The following ZC3H3 variants were observed in gnomAD, a reference collection of about 807,000 sequenced individuals.
ZC3H3 encodes zinc finger CCCH-type containing 3, also known as zinc finger CCCH domain-containing protein 3.
A neutral mutation model predicts 77.3 loss-of-function variants in ZC3H3; 36 were observed. That is an observed-to-expected ratio of 0.47 (90% CI 0.36 to 0.61). ZC3H3 has a LOEUF of 0.61. Ranked by LOEUF, ZC3H3 falls within the 20% of genes least tolerant of loss-of-function variation. ZC3H3 has a pLI of 0.00. For synonymous variants in ZC3H3, 626 were observed against 555.2 expected, an observed-to-expected ratio of 1.13 and a Z score of -1.79; for missense variants, 1,331 against 1,312.2, an observed-to-expected ratio of 1.01 and a Z score of -0.22.
chr8:143,468,096 G>A, intron 8 of ZC3H3, 113 bp downstream of exon 8: 1 of 1,300,694 alleles, frequency 7.7e-7, no homozygotes, highest in Non-Finnish European at 1.1e-6. Flanking sequence ...CCAGGGCAGG[G>A]ATCTGCATGT....
chr8:143,450,033 C>G (rs1819950456), intron 9 of ZC3H3, among the ~76,000 whole-genome samples: 1 of 152,164 alleles, frequency 6.6e-6, no homozygotes, highest in Non-Finnish European at 1.5e-5. Context: ...TCTTCTGAGC[C>G]CTCCACACTC....
At chr8:143,489,582 G>A (rs149883759) in intron 4 of ZC3H3, among the ~76,000 whole-genome samples, 6 of 152,332 alleles carry the variant, frequency 3.9e-5, no homozygotes, top group South Asian at 2.1e-4. Context: ...CCCCAGGACC[G>A]CCCCAGGCAA....
intron 9 of ZC3H3, among the ~76,000 whole-genome samples, chr8:143,446,956 C>G (rs28446150): frequency 1.4e-3 from 217 of 152,388 alleles, no homozygotes; most frequent in African/African-American, 5.1e-3. Context: ...TCACCTTTTC[C>G]CCAAGCCAGC....
intron 4 of ZC3H3, among the ~76,000 whole-genome samples, chr8:143,490,385 C>A (rs1033653584): frequency 3.9e-5 from 6 of 152,234 alleles, no homozygotes; most frequent in African/African-American, 1.4e-4. Flanking sequence ...GGGCCTCAGT[C>A]CTCTGTCAGG....
chr8:143,539,695 G>A (rs1586978371), intron 1 of ZC3H3, among the ~76,000 whole-genome samples: 1 of 152,220 alleles, frequency 6.6e-6, no homozygotes, highest in African/African-American at 2.4e-5. Context: ...GTTTGAATCA[G>A]AGGGGACAAG....
At chr8:143,458,116 C>A (rs1000680179) in intron 9 of ZC3H3, among the ~76,000 whole-genome samples, 69 of 152,294 alleles carry the variant, frequency 4.5e-4, no homozygotes, top group African/African-American at 1.3e-3. Flanking sequence ...AAAGAAGTCA[C>A]AAACTTCCAG....
intron 4 of ZC3H3, among the ~76,000 whole-genome samples, chr8:143,500,530 A>AT (rs1406937970): frequency 6.6e-6 from 1 of 152,256 alleles, no homozygotes; most frequent in Non-Finnish European, 1.5e-5. Context: ...TTCTGCTGCT[A>AT]TAACAGAATA....
At chr8:143,520,975 C>T (rs1328569484) in intron 3 of ZC3H3, among the ~76,000 whole-genome samples, 2 of 152,206 alleles carry the variant, frequency 1.3e-5, no homozygotes, top group Non-Finnish European at 2.9e-5. Context: ...TTCATAGCAG[C>T]AAGTTTCCCA....
Position 143,540,029 on chromosome 8 carries a change from C to A in ZC3H3, c.47-709G>T, listed in dbSNP as rs1234037494. Among the ~76,000 whole-genome samples the A allele has an allele frequency of 3.3e-5, 5 of 152,206 alleles. No homozygotes were observed. The East Asian group carries it at 9.6e-4, about 29-fold the overall frequency. ...GTTATCAGCATTCCCCCACCACAGG[C>A]CCTGCCCCCGGGGGCACAGAAAGCC... On this transcript the variant is annotated intron_variant, in intron 1 of 11. Coordinates refer to ENST00000262577, the MANE Select transcript of ZC3H3 (RefSeq NM_015117.3).
intron 3 of ZC3H3, among the ~76,000 whole-genome samples, chr8:143,529,546 T>C (rs1276169529): frequency 2.0e-5 from 3 of 152,184 alleles, no homozygotes; most frequent in Non-Finnish European, 4.4e-5. Context: ...AGGCAGGCCC[T>C]TCTGAGACCG....
chr8:143,468,299 G>A (rs1820467250), intron 7 of ZC3H3, 21 bp from the exon 8 acceptor site: 1 of 1,612,702 alleles, frequency 6.2e-7, no homozygotes, highest in Non-Finnish European at 8.5e-7. Flanking sequence ...AGGAGAAACG[G>A]GTATGAGGAA....
intron 9 of ZC3H3, among the ~76,000 whole-genome samples, chr8:143,447,855 C>T (rs1018700423): frequency 1.3e-5 from 2 of 152,140 alleles, no homozygotes; most frequent in African/African-American, 2.4e-5. Flanking sequence ...CAGGGATGGC[C>T]GGGTGTCGTG....
chr8:143,474,576 T>G (rs1332872444), intron 5 of ZC3H3, among the ~76,000 whole-genome samples: 2 of 152,182 alleles, frequency 1.3e-5, no homozygotes, highest in Non-Finnish European at 2.9e-5. Flanking sequence ...GTACGCTTCC[T>G]GCCTCTCCTC....
Position 143,468,266 on chromosome 8 carries a change from GC to G in ZC3H3, c.2117del (p.Gly706AlafsTer28), listed in dbSNP as rs755857330. 1 of 1,613,104 alleles carries G rather than the reference GC, an allele frequency of 6.2e-7. No individual in the cohort carries two copies. Among genetic ancestry groups the G allele is most frequent in the Admixed American group, 1.7e-5 (1 of 60,018 alleles). On this transcript the variant is annotated frameshift_variant, in exon 8 of 12. Coordinates refer to ENST00000262577, the MANE Select transcript of ZC3H3 (RefSeq NM_015117.3). LOFTEE classifies it high-confidence loss of function. ...KVAVCTRFVRGTCKKTDGTCP... is the reference protein window; with the variant it reads ...KVAVCTRFVRXTCKKTDGTCP... ...AGGTCCCATCCGTTTTCTTGCAGGTGCCCCGGACAAACCTGCAGCACCAGGA... is the reference window on the plus strand; with the variant it reads ...AGGTCCCATCCGTTTTCTTGCAGGTGCCCGGACAAACCTGCAGCACCAGGA...
At chr8:143,498,760 G>A (rs1328607556) in intron 4 of ZC3H3, among the ~76,000 whole-genome samples, 9 of 135,632 alleles carry the variant, frequency 6.6e-5, no homozygotes, top group Admixed American at 2.2e-4. Flanking sequence ...GGTACAGGGC[G>A]GGGCGGAGGG....
At chr8:143,537,952 A>C in intron 2 of ZC3H3, 51 bp downstream of exon 2, 1 of 1,511,558 alleles carries the variant, frequency 6.6e-7, no homozygotes, top group Non-Finnish European at 8.9e-7. Context: ...GTGCCAAACA[A>C]ACCCTCCTCA....
At chr8:143,535,585 C>A (rs1445367956) in intron 3 of ZC3H3, among the ~76,000 whole-genome samples, 2 of 152,246 alleles carry the variant, frequency 1.3e-5, no homozygotes, top group East Asian at 3.9e-4. Context: ...CACATACCCC[C>A]AACCACGTGC....
At chr8:143,539,818 T>C (rs1370752407) in intron 1 of ZC3H3, among the ~76,000 whole-genome samples, 1 of 152,112 alleles carries the variant, frequency 6.6e-6, no homozygotes, top group African/African-American at 2.4e-5. Flanking sequence ...AAAAGAATAC[T>C]AGGAGCAGAG....
rs1317936284 is a variant in ZC3H3 at position 143,462,969 on chromosome 8, C to T, written c.2307+2748G>A. On this transcript the variant is annotated intron_variant, in intron 9 of 11. Transcript: ENST00000262577. This position sits in a 1 kb window ranked among gnomAD's most constrained non-coding sequence, Gnocchi z 4.7. ...TCCCACCTAGAGCCACCAGGAGCAG[C>T]GCCCAGACCCTGAGTCTCTTTTTTT... Among the ~76,000 whole-genome samples the T allele has an allele frequency of 6.7e-6, 1 of 149,774 alleles. No individual in the cohort carries two copies. Among genetic ancestry groups the T allele is most frequent in the Non-Finnish European group, 1.5e-5 (1 of 67,416 alleles).
Sources: allele counts gnomAD v4.1 joint callset (sites outside exome capture counted in the v4.1 genomes callset), GRCh38; gene constraint gnomAD v4.1.1; non-coding constraint Gnocchi (gnomAD v3.1); transcripts MANE v1.5; gene names NCBI Gene and HGNC (gene_info 2026-07-23, HGNC 2026-07-21).